CDK18: variants seen among roughly 807,000 people sequenced by gnomAD.
CDK18 encodes cyclin-dependent kinase 18.
CDK18 carries 52 observed loss-of-function variants against 62.0 expected under a neutral mutation model. The ratio of observed to expected loss-of-function variants is 0.84; its 90% CI spans 0.67 to 1.06. The LOEUF is 1.06. Ranked by LOEUF, CDK18 falls within the 50% of genes least tolerant of loss-of-function variation. CDK18 has a pLI of 0.00. For synonymous variants in CDK18, 237 were observed against 247.0 expected, an observed-to-expected ratio of 0.96 and a Z score of 0.38; for missense variants, 604 against 619.9, an observed-to-expected ratio of 0.97 and a Z score of 0.27.
chr1:205,526,895 T>G (rs1575074433), intron 8 of CDK18, 58 bp downstream of exon 8: 1 of 1,396,032 alleles, frequency 7.2e-7, no homozygotes, highest in Non-Finnish European at 1.0e-6. Flanking sequence ...AGAAGCCCAG[T>G]GTGGGGACCC....
Position 205,528,830 on chromosome 1 carries a change from G to C in CDK18, c.975-169G>C. On this transcript the variant is annotated intron_variant, in intron 10 of 15. Transcript: ENST00000429964. The surrounding 1 kb of genome is among the most constrained non-coding windows in gnomAD (Gnocchi z 4.2). ...AGCCCCCCAGAGAGGGGCTGTAGTG[G>C]GGGCTGGGCAGTTCTAGGAGCCTCC... 1 of 498,720 alleles carries C rather than the reference G, an allele frequency of 2.0e-6. No homozygotes were observed. The highest frequency in any genetic ancestry group is 3.6e-6 in the Non-Finnish European group (1 of 279,896). The allele number at this position is 498,720 out of a possible 1,614,324, so 30.9% of individuals were successfully genotyped here.
rs113230166 is a variant in CDK18 at position 205,528,615 on chromosome 1, C to T, written c.975-384C>T. 0.025 allele frequency: 6,823 copies of T among 270,622 alleles called. 203 individuals carry two copies. The highest frequency in any genetic ancestry group is 0.08 in the African/African-American group (3,671 of 45,640). The allele number at this position is 270,622 out of a possible 1,614,324, so 16.8% of individuals were successfully genotyped here. A position where few individuals can be genotyped will look rare whatever the true frequency, so the allele number is the denominator to read the frequency against. ...GTGGTTATGAATGGCTGCTGTGACTCCGCCCCAAGGTTCCCCAGGAGAATG... is the reference window on the plus strand; with the variant it reads ...GTGGTTATGAATGGCTGCTGTGACTTCGCCCCAAGGTTCCCCAGGAGAATG... On this transcript the variant is annotated intron_variant, in intron 10 of 15. Transcript: ENST00000429964. This position sits in a 1 kb window ranked among gnomAD's most constrained non-coding sequence, Gnocchi z 4.2.
At chr1:205,511,522 T>C (rs1420923117) in intron 1 of CDK18, among the ~76,000 whole-genome samples, 2 of 152,234 alleles carry the variant, frequency 1.3e-5, no homozygotes, top group Non-Finnish European at 2.9e-5. Flanking sequence ...TATTTTCTTC[T>C]TATGTAAGCA....
At position 205,528,824 on chromosome 1, in the gene CDK18, G is replaced by T; in HGVS notation, c.975-175G>T. On this transcript the variant is annotated intron_variant, in intron 10 of 15. Transcript: ENST00000429964. The surrounding 1 kb of genome is among the most constrained non-coding windows in gnomAD (Gnocchi z 4.2). The stretch of plus-strand genomic sequence containing the variant: ...CAGGGAAGCCCCCCAGAGAGGGGCT[G>T]TAGTGGGGGCTGGGCAGTTCTAGGA... 1 of 496,276 alleles carries T rather than the reference G, an allele frequency of 2.0e-6. No homozygotes were observed. The highest frequency in any genetic ancestry group is 3.6e-6 in the Non-Finnish European group (1 of 278,660). The allele number at this position is 496,276 out of a possible 1,614,324, so 30.7% of individuals were successfully genotyped here.
chr1:205,515,511 T>C (rs1667776270), intron 1 of CDK18, among the ~76,000 whole-genome samples: 1 of 152,110 alleles, frequency 6.6e-6, no homozygotes. Context: ...AGCGACATCA[T>C]CAGAAAGCAG....
intron 1 of CDK18, among the ~76,000 whole-genome samples, chr1:205,507,308 C>G (rs149526837): frequency 1.2e-3 from 178 of 152,298 alleles, no homozygotes; most frequent in African/African-American, 4.2e-3. Flanking sequence ...GTTCCCTCAT[C>G]TGTAAAATGA....
At chr1:205,506,856 C>A (rs75049559) in intron 1 of CDK18, among the ~76,000 whole-genome samples, 7,954 of 152,314 alleles carry the variant, frequency 0.052, 412 homozygotes, top group African/African-American at 0.13. Context: ...GGAGAGAGGG[C>A]ACCAGATCTG....
intron 8 of CDK18, 101 bp downstream of exon 8, chr1:205,526,938 G>A: frequency 2.2e-6 from 2 of 926,338 alleles, no homozygotes; most frequent in South Asian, 2.7e-5. Context: ...CTGCTGAGGT[G>A]GCTCAGACCT....
rs374372781 is a variant in CDK18 at position 205,513,034 on chromosome 1, CTCT to C, written c.-22+8243_-22+8245del. ...GGCTATTGGGTGGGTGAACTCAACA[CTCT>C]TCTTTTCTTCTCCAATTTATTGTGT... is the stretch of plus-strand genomic sequence containing the variant. On this transcript the variant is annotated intron_variant, in intron 1 of 15. Coordinates refer to ENST00000429964, the MANE Select transcript of CDK18 (RefSeq NM_212502.3). 5.3e-5 allele frequency among the ~76,000 whole-genome samples: 8 copies of C among 152,338 alleles called. No individual in the cohort carries two copies. In the East Asian group the frequency reaches 1.4e-3, roughly 26 times the overall value.
At chr1:205,531,263 G>A in intron 15 of CDK18, 81 bp from the exon 16 acceptor site, 1 of 1,318,272 alleles carries the variant, frequency 7.6e-7, no homozygotes, top group Non-Finnish European at 1.1e-6. Flanking sequence ...AGCTCTGGGG[G>A]ACAGCGACTG....
intron 11 of CDK18, 89 bp downstream of exon 11, chr1:205,529,185 C>T (rs1014327721): frequency 8.1e-6 from 11 of 1,360,790 alleles, no homozygotes; most frequent in African/African-American, 1.4e-5. Flanking sequence ...GGAGGAGCGG[C>T]TCGGCCGCCT....
At chr1:205,525,591 G>T (rs962059520) in intron 5 of CDK18, among the ~76,000 whole-genome samples, 5 of 152,284 alleles carry the variant, frequency 3.3e-5, no homozygotes, top group African/African-American at 9.6e-5. Flanking sequence ...ATCACATAGG[G>T]TTATTGTGAG....
At chr1:205,512,497 C>G (rs1413039689) in intron 1 of CDK18, among the ~76,000 whole-genome samples, 4 of 152,214 alleles carry the variant, frequency 2.6e-5, no homozygotes, top group African/African-American at 7.2e-5. Flanking sequence ...ATTTAGAGAA[C>G]AGTTGAACAA....
At position 205,529,543 on chromosome 1, in the gene CDK18, C is replaced by A. The variant is rs1668631781; in HGVS notation, c.1201C>A (p.Leu401Ile). 1.2e-6 allele frequency: 2 copies of A among 1,612,838 alleles called. No homozygotes were observed. The highest frequency in any genetic ancestry group is 3.3e-5 in the Admixed American group (2 of 59,912). ...CAGGTTGGATACGGATGGCATCCAC[C>A]TCCTGAGCAGCCTGCTCCTGGTGAG... The part of the protein sequence containing the change: ...APRLDTDGIH[L>I]LSSLLLYESK... Residue 401 changes from leucine (L) to isoleucine (I), a missense_variant, in exon 13 of 16, where the codon CTC (leucine) becomes ATC (isoleucine). Coordinates refer to ENST00000429964, the MANE Select transcript of CDK18 (RefSeq NM_212502.3).
chr1:205,523,487 G>T lies in CDK18; in HGVS notation c.135G>T (p.Leu45Phe). The T allele has an allele frequency of 6.2e-7, 1 of 1,602,070 alleles. No homozygotes were observed. The highest frequency in any genetic ancestry group is 8.5e-7 in the Non-Finnish European group (1 of 1,174,970). Residue 45 changes from leucine to phenylalanine, a missense_variant, in exon 3 of 16, where the codon TTG becomes TTT. Transcript: ENST00000429964. The stretch of plus-strand genomic sequence containing the variant: ...GCTGACGCCTGTCCCTCTTAGACTT[G>T]CAGCTCGGTCCTCTTGGCAGAGACC... ...NQLHNRRNEN[L>F]QLGPLGRDPP...
intron 5 of CDK18, 107 bp from the exon 6 acceptor site, chr1:205,525,958 C>T: frequency 1.4e-6 from 1 of 710,558 alleles, no homozygotes; most frequent in South Asian, 1.8e-5. Context: ...GGAGGAAGGG[C>T]ACTCAGGCCC....
intron 1 of CDK18, among the ~76,000 whole-genome samples, chr1:205,518,540 G>C (rs927835533): frequency 6.6e-6 from 1 of 152,214 alleles, no homozygotes; most frequent in African/African-American, 2.4e-5. Context: ...GGGCAAGGGC[G>C]GGGAGGGCTC....
intron 13 of CDK18, chr1:205,529,810 G>A: frequency 7.1e-7 from 1 of 1,411,782 alleles, no homozygotes; most frequent in Non-Finnish European, 9.5e-7. Flanking sequence ...GCTCCTCCAT[G>A]CCTCAGTTTC....
rs909056258 is a variant in CDK18 at position 205,528,503 on chromosome 1, G to A, written c.974+335G>A. Among the ~76,000 whole-genome samples the A allele has an allele frequency of 2.0e-5, 3 of 152,136 alleles. No homozygotes were observed. The highest frequency in any genetic ancestry group is 7.2e-5 in the African/African-American group (3 of 41,426). On this transcript the variant is annotated intron_variant, in intron 10 of 15. Coordinates refer to ENST00000429964, the MANE Select transcript of CDK18 (RefSeq NM_212502.3). This position sits in a 1 kb window ranked among gnomAD's most constrained non-coding sequence, Gnocchi z 4.2. Reference sequence around the variant, plus strand: ...ATCAGTCCCAGTGAAAATTTTGAAAGAGAAGTACTATTTTTATGTTAAAAT... The same window carrying A: ...ATCAGTCCCAGTGAAAATTTTGAAAAAGAAGTACTATTTTTATGTTAAAAT...
Sources: gnomAD v4.1 joint callset for allele counts (sites outside exome capture counted in the v4.1 genomes callset) on GRCh38, gnomAD v4.1.1 for gene constraint, Gnocchi (gnomAD v3.1) non-coding constraint, MANE v1.5 for transcripts, NCBI Gene and HGNC (gene_info 2026-07-23, HGNC 2026-07-21) for gene names.